Variants in CDH18 observed in about 807,000 individuals in gnomAD.
CDH18 encodes cadherin 18.
CDH18 carries 31 observed loss-of-function variants against 67.9 expected under a neutral mutation model. That is an observed-to-expected ratio of 0.46 (90% CI 0.34 to 0.62). The LOEUF is 0.62. Among genes scored for constraint, CDH18 ranks in the 20% least tolerant of loss-of-function variants. The pLI is 0.01. For missense variants in CDH18, 890 were observed against 975.5 expected (o/e 0.91, Z 1.17); for synonymous variants, 362 against 347.2 (o/e 1.04, Z -0.48).
At chr5:20,389,568 T>C (rs1283396624) in intron 1 of CDH18, among the ~76,000 whole-genome samples, 1 of 152,064 alleles carries the variant, frequency 6.6e-6, no homozygotes, top group African/African-American at 2.4e-5. Context: ...CTGCCCAAGG[T>C]AATTTATAGA....
At chr5:19,818,023 C>CA (rs1252810765) in intron 3 of CDH18, among the ~76,000 whole-genome samples, 2 of 151,504 alleles carry the variant, frequency 1.3e-5, no homozygotes, top group South Asian at 2.1e-4. Flanking sequence ...ATTTTTTTCC[C>CA]AAAATTTAAA....
chr5:20,141,093 A>T (rs2126524244), intron 2 of CDH18, among the ~76,000 whole-genome samples: 1 of 152,150 alleles, frequency 6.6e-6, no homozygotes, highest in East Asian at 1.9e-4. Context: ...CCCAGGAAGA[A>T]ATTCTGATTT....
intron 5 of CDH18, among the ~76,000 whole-genome samples, chr5:19,669,464 T>A (rs1003496807): frequency 2.5e-4 from 38 of 151,890 alleles, no homozygotes; most frequent in African/African-American, 8.9e-4. Flanking sequence ...GGCTAATTTG[T>A]ATTCTTAGCA....
intron 2 of CDH18, among the ~76,000 whole-genome samples, chr5:19,919,493 G>T (rs1028579309): frequency 9.9e-5 from 15 of 152,034 alleles, no homozygotes; most frequent in African/African-American, 3.6e-4. Flanking sequence ...GCTAACGTCG[G>T]GTAGCTACTA....
intron 2 of CDH18, among the ~76,000 whole-genome samples, chr5:19,904,005 G>A (rs1267871678): frequency 6.6e-6 from 1 of 152,004 alleles, no homozygotes; most frequent in African/African-American, 2.4e-5. Flanking sequence ...CAGGCGCAGT[G>A]GCTCACGCTT....
rs1045169393 is a variant in CDH18 at position 19,747,977 on chromosome 5, G to T, written c.229-741C>A. 1.4e-4 allele frequency among the ~76,000 whole-genome samples: 21 copies of T among 150,578 alleles called. 1 individual carries two copies. The South Asian group carries it at 4.2e-3, about 30-fold the overall frequency. On this transcript the variant is annotated intron_variant, in intron 3 of 12. Transcript: ENST00000382275. Reference sequence around the variant, plus strand: ...TACAAAAAAAAACTAGCCGGGCGTGGTGGCGGGCGCCTGTAGTCCCAGCTA... The same window carrying T: ...TACAAAAAAAAACTAGCCGGGCGTGTTGGCGGGCGCCTGTAGTCCCAGCTA...
chr5:20,515,342 T>C (rs1188659182), intron 1 of CDH18, among the ~76,000 whole-genome samples: 1 of 144,210 alleles, frequency 6.9e-6, no homozygotes, highest in Non-Finnish European at 1.5e-5. Flanking sequence ...ACCAGAAGAG[T>C]CATGGCAACT....
intron 3 of CDH18, among the ~76,000 whole-genome samples, chr5:19,811,097 A>G (rs1408412614): frequency 8.0e-4 from 45 of 56,500 alleles, no homozygotes; most frequent in African/African-American, 2.3e-4. Context: ...AAAGAAAGAA[A>G]GAAAGAAAGA....
At chr5:20,566,219 G>C (rs920564381) in intron 1 of CDH18, among the ~76,000 whole-genome samples, 4 of 152,052 alleles carry the variant, frequency 2.6e-5, no homozygotes, top group African/African-American at 9.7e-5. Flanking sequence ...AGAAGGCTAG[G>C]CTACATACTC....
chr5:19,573,810 C>G (rs915667376), intron 7 of CDH18, among the ~76,000 whole-genome samples: 2 of 152,120 alleles, frequency 1.3e-5, no homozygotes, highest in Non-Finnish European at 1.5e-5. Context: ...AATCGTGCAT[C>G]CTGCTCATGG....
intron 1 of CDH18, among the ~76,000 whole-genome samples, chr5:20,354,626 T>C (rs1741457859): frequency 6.6e-6 from 1 of 152,076 alleles, no homozygotes; most frequent in South Asian, 2.1e-4. Context: ...CCCCTGAGCT[T>C]GTCTCGAACC....
intron 5 of CDH18, among the ~76,000 whole-genome samples, chr5:19,686,491 C>T (rs1190513899): frequency 6.6e-6 from 1 of 152,116 alleles, no homozygotes; most frequent in African/African-American, 2.4e-5. Flanking sequence ...TGGCTCATTA[C>T]ACATGCAATG....
In CDH18 at chr5:19,857,034, G is replaced by A. The variant is rs1181740785; in HGVS notation, c.-256-17792C>T. Among the ~76,000 whole-genome samples, 5 of 152,064 alleles carry A rather than the reference G, an allele frequency of 3.3e-5. 1 individual carries two copies. ...GGCCAGGAGTTTGAGACAAGCCAGG[G>A]CAACATAGTGAGATCCCATCTCCAC... On this transcript the variant is annotated intron_variant, in intron 2 of 12. Transcript: ENST00000382275.
intron 2 of CDH18, among the ~76,000 whole-genome samples, chr5:20,102,926 A>T (rs956601397): frequency 6.6e-6 from 1 of 152,358 alleles, no homozygotes; most frequent in South Asian, 2.1e-4. Context: ...AAACCTAATA[A>T]GTTTTTTAGT....
intron 2 of CDH18, among the ~76,000 whole-genome samples, chr5:19,996,106 A>G (rs1735998067): frequency 1.3e-5 from 2 of 152,250 alleles, no homozygotes; most frequent in Non-Finnish European, 1.5e-5. Context: ...TGACCAAATC[A>G]TTGATCTTTT....
chr5:19,980,287 G>A (rs1463447053), intron 2 of CDH18, among the ~76,000 whole-genome samples: 6 of 152,154 alleles, frequency 3.9e-5, no homozygotes, highest in Middle Eastern at 6.8e-3. Context: ...ATAAAACACT[G>A]CTGAGAGAAA....
intron 3 of CDH18, among the ~76,000 whole-genome samples, chr5:19,833,987 G>A (rs902441079): frequency 2.0e-5 from 3 of 151,842 alleles, no homozygotes; most frequent in African/African-American, 7.3e-5. Flanking sequence ...TTTTTTTGTT[G>A]TTGTGTCTCT....
intron 3 of CDH18, among the ~76,000 whole-genome samples, chr5:19,752,122 T>C (rs988271825): frequency 6.6e-5 from 10 of 152,014 alleles, no homozygotes; most frequent in Non-Finnish European, 1.0e-4. Flanking sequence ...CCTGGAGCAG[T>C]GTGAATTTAG....
intron 5 of CDH18, among the ~76,000 whole-genome samples, chr5:19,707,278 T>C (rs572940070): frequency 6.6e-6 from 1 of 152,252 alleles, no homozygotes; most frequent in South Asian, 2.1e-4. Context: ...CAAGAAGCTG[T>C]CGCAGATGGT....
Sources: allele counts gnomAD v4.1 joint callset (sites outside exome capture counted in the v4.1 genomes callset), GRCh38; gene constraint gnomAD v4.1.1; transcripts MANE v1.5; gene names NCBI Gene and HGNC (gene_info 2026-07-23, HGNC 2026-07-21).